Variants in CELF4 observed in about 807,000 individuals in gnomAD.
CELF4 encodes CUG-BP- and ETR-3-like factor 4.
CELF4 carries 18 observed loss-of-function variants against 59.9 expected under a neutral mutation model. The observed-to-expected ratio is 0.30, with a 90% CI of 0.21 to 0.45. The LOEUF (loss-of-function observed/expected upper bound fraction) is 0.45. Ranked by LOEUF, CELF4 falls within the 20% of genes least tolerant of loss-of-function variation. The probability of loss-of-function intolerance (pLI) is 1.00; values close to 1 mark genes in which losing one functional copy is unlikely to be tolerated. For missense variants in CELF4, 456 were observed against 689.0 expected, an observed-to-expected ratio of 0.66 and a Z score of 3.79; for synonymous variants, 261 against 267.1, an observed-to-expected ratio of 0.98 and a Z score of 0.22.
At chr18:37,508,029 A>G (rs919537271) in intron 1 of CELF4, among the ~76,000 whole-genome samples, 3 of 152,092 alleles carry the variant, frequency 2.0e-5, no homozygotes, top group Admixed American at 6.5e-5. Context: ...AGACCTCGCC[A>G]TCACTCGCCA....
At chr18:37,450,368 C>G (rs1181417556) in intron 2 of CELF4, among the ~76,000 whole-genome samples, 2 of 151,766 alleles carry the variant, frequency 1.3e-5, no homozygotes, top group Non-Finnish European at 2.9e-5. Flanking sequence ...ACCTGTGTCT[C>G]TGTCTCCCTG....
intron 2 of CELF4, among the ~76,000 whole-genome samples, chr18:37,424,713 C>T (rs903082947): frequency 3.9e-5 from 6 of 152,142 alleles, no homozygotes; most frequent in Admixed American, 3.3e-4. Context: ...TCCCCAGCTA[C>T]GTGGTTACCA....
At chr18:37,310,296 C>T (rs562772158) in intron 3 of CELF4, among the ~76,000 whole-genome samples, 26 of 152,268 alleles carry the variant, frequency 1.7e-4, no homozygotes, top group Admixed American at 1.5e-3. Context: ...CCCTGCTCCC[C>T]GCCTGCTCTC....
intron 2 of CELF4, among the ~76,000 whole-genome samples, chr18:37,356,493 G>A (rs1287101767): frequency 2.6e-5 from 4 of 152,130 alleles, no homozygotes; most frequent in Admixed American, 2.6e-4. Flanking sequence ...CAGAGGTGCT[G>A]GGAAGGCCAT....
rs185776810 is a variant in CELF4, at chr18:37,274,975, G to A, written c.578-91C>T. ...GGCGCATCCCAGGTGAACGCAGACG[G>A]GTGAGGCAGAGATTGAGAAAGAGAC... On this transcript the variant is annotated intron_variant, in intron 4 of 12. Transcript: ENST00000420428. 5,428 of 1,544,968 alleles carry A rather than the reference G, an allele frequency of 3.5e-3. 19 individuals carry two copies. The highest frequency in any genetic ancestry group is 4.4e-3 in the Non-Finnish European group (4,972 of 1,134,476).
chr18:37,270,933 C>T lies in CELF4; in HGVS notation c.950-16G>A. 6.3e-7 allele frequency: 1 copy of T among 1,590,506 alleles called. No individual in the cohort carries two copies. Among genetic ancestry groups the T allele is most frequent in the Non-Finnish European group, 8.6e-7 (1 of 1,167,486 alleles). ...GTGCTGCCACCTGGTTCCAGGCATA[C>T]AGAAGGGTGGAGGAGGAGGGGAGGC... On this transcript the variant is annotated splice_polypyrimidine_tract_variant and intron_variant, in intron 7 of 12. Coordinates refer to ENST00000420428, the MANE Select transcript of CELF4 (RefSeq NM_020180.4).
At chr18:37,524,164 T>C (rs539243225) in intron 1 of CELF4, among the ~76,000 whole-genome samples, 1 of 152,218 alleles carries the variant, frequency 6.6e-6, no homozygotes, top group Non-Finnish European at 1.5e-5. Flanking sequence ...CCGCCTTGAA[T>C]GAGTCATATC....
At chr18:37,423,065 C>CACACACAT (rs2099589293) in intron 2 of CELF4, among the ~76,000 whole-genome samples, 1 of 23,150 alleles carries the variant, frequency 4.3e-5, no homozygotes, top group Non-Finnish European at 1.5e-4. Flanking sequence ...CGCGCGCGCG[C>CACACACAT]ACACACACAC....
At chr18:37,415,595 A>G (rs1244564874) in intron 2 of CELF4, among the ~76,000 whole-genome samples, 3 of 152,150 alleles carry the variant, frequency 2.0e-5, no homozygotes, top group African/African-American at 7.2e-5. Flanking sequence ...TCTTTTTTTA[A>G]CTTTAAGAGA....
At chr18:37,392,746 GCCTGTTGTGCTACT>G (rs890469816) in intron 2 of CELF4, among the ~76,000 whole-genome samples, 1 of 152,184 alleles carries the variant, frequency 6.6e-6, no homozygotes, top group Non-Finnish European at 1.5e-5. Flanking sequence ...AAAGAAACTA[GCCTGTTGTGCTACT>G]GAGCATGCTT....
chr18:37,473,334 T>C (rs770654130), intron 2 of CELF4: 1 of 152,178 alleles, frequency 6.6e-6, no homozygotes, highest in Non-Finnish European at 1.5e-5. Context: ...AGACCACTGG[T>C]GCAACTGTCA....
chr18:37,426,906 G>A (rs888203877), intron 2 of CELF4, among the ~76,000 whole-genome samples: 6 of 150,110 alleles, frequency 4.0e-5, no homozygotes, highest in African/African-American at 1.5e-4. Context: ...CCCGAAAAGC[G>A]ATACCAATGA....
intron 2 of CELF4, among the ~76,000 whole-genome samples, chr18:37,458,592 G>C (rs920261743): frequency 2.6e-5 from 4 of 152,218 alleles, no homozygotes; most frequent in Admixed American, 2.6e-4. Flanking sequence ...GCTCATCCCT[G>C]CCGGCTGACA....
intron 9 of CELF4, 94 bp from the exon 10 acceptor site, chr18:37,264,851 G>A: frequency 2.7e-6 from 3 of 1,124,720 alleles, no homozygotes; most frequent in Non-Finnish European, 3.9e-6. Flanking sequence ...AGTAAAAGCA[G>A]ATCAGCCAAA....
intron 2 of CELF4, among the ~76,000 whole-genome samples, chr18:37,444,152 G>A (rs1185998768): frequency 1.3e-5 from 2 of 152,128 alleles, no homozygotes; most frequent in African/African-American, 4.8e-5. Context: ...CTACTATACT[G>A]ATGTCCCAAG....
intron 1 of CELF4, among the ~76,000 whole-genome samples, chr18:37,561,477 T>C (rs182609008): frequency 6.6e-6 from 1 of 152,360 alleles, no homozygotes; most frequent in African/African-American, 2.4e-5. Context: ...TGCATTATAA[T>C]ATGGCTATCC....
At chr18:37,282,125 C>T (rs995819907) in intron 3 of CELF4, among the ~76,000 whole-genome samples, 6 of 152,166 alleles carry the variant, frequency 3.9e-5, no homozygotes, top group Non-Finnish European at 7.3e-5. Flanking sequence ...AGAGAAAAGG[C>T]TCAATAAGTG....
Position 37,246,855 on chromosome 18 carries a change from CTTTTG to C in CELF4, c.*45-1663_*45-1659del, listed in dbSNP as rs1478669048. 6.6e-5 allele frequency: 10 copies of C among 152,012 alleles called. No homozygotes were observed. In the South Asian group the frequency reaches 1.2e-3, roughly 19 times the overall value. The allele number at this position is 152,012 out of a possible 1,614,324, so 9.4% of individuals were successfully genotyped here. ...ATCTTTATTTTGACTATTTTTTGTT[CTTTTG>C]TTTTGTTTTTTTCTCTATGTGACAT... On this transcript the variant is annotated intron_variant, in intron 12 of 12. Transcript: ENST00000420428. This position sits in a 1 kb window ranked among gnomAD's most constrained non-coding sequence, Gnocchi z 5.3.
At chr18:37,259,126 C>T in intron 11 of CELF4, 55 bp downstream of exon 11, 1 of 1,612,758 alleles carries the variant, frequency 6.2e-7, no homozygotes, top group Non-Finnish European at 8.5e-7. Context: ...CCCACCAAAG[C>T]ATTTACTTTG....
Sources: allele counts gnomAD v4.1 joint callset (sites outside exome capture counted in the v4.1 genomes callset), GRCh38; gene constraint gnomAD v4.1.1; non-coding constraint Gnocchi (gnomAD v3.1); transcripts MANE v1.5; gene names NCBI Gene and HGNC (gene_info 2026-07-23, HGNC 2026-07-21).